Variants in SUPT3H observed in about 807,000 individuals in gnomAD.
The protein encoded by SUPT3H is SPT3 homolog, SAGA and STAGA complex component, also known as transcription initiation protein SPT3 homolog.
In SUPT3H, 44 loss-of-function variants were observed where a neutral mutation model predicts 44.3. The observed-to-expected ratio is 0.99, with a 90% CI of 0.78 to 1.28. SUPT3H has a LOEUF of 1.28. Among genes scored for constraint, SUPT3H ranks in the 50% most tolerant of loss-of-function variants. The pLI is 0.00. For synonymous variants in SUPT3H, 124 were observed against 125.6 expected (o/e 0.99, Z 0.09); for missense variants, 380 against 387.1 (o/e 0.98, Z 0.15).
At chr6:44,854,130 A>G (rs994351700) in intron 10 of SUPT3H, among the ~76,000 whole-genome samples, 4 of 152,208 alleles carry the variant, frequency 2.6e-5, no homozygotes, top group Admixed American at 2.0e-4. Flanking sequence ...ACAGATGAAA[A>G]GTTAATCCAT....
At chr6:45,362,389 T>C (rs1463829477) in intron 2 of SUPT3H, among the ~76,000 whole-genome samples, 1 of 152,188 alleles carries the variant, frequency 6.6e-6, no homozygotes, top group African/African-American at 2.4e-5. Context: ...GGCTTAGAAC[T>C]ATGAACAGCA....
chr6:45,343,838 C>T (rs1387108469), intron 2 of SUPT3H, among the ~76,000 whole-genome samples: 2 of 152,160 alleles, frequency 1.3e-5, no homozygotes, highest in African/African-American at 4.8e-5. Context: ...AACTACTCAC[C>T]TTCTAGGTGC....
At chr6:45,259,531 T>C (rs1001133821) in intron 2 of SUPT3H, among the ~76,000 whole-genome samples, 2 of 152,260 alleles carry the variant, frequency 1.3e-5, no homozygotes, top group East Asian at 3.9e-4. Flanking sequence ...TTACTCTATA[T>C]CTATTTTTGA....
chr6:44,958,829 A>G (rs1330100272), intron 7 of SUPT3H, among the ~76,000 whole-genome samples: 4 of 151,772 alleles, frequency 2.6e-5, no homozygotes, highest in Non-Finnish European at 5.9e-5. Flanking sequence ...TGTAGGAAAA[A>G]ATGACATTAG....
intron 10 of SUPT3H, among the ~76,000 whole-genome samples, chr6:44,890,826 G>C (rs1763186256): frequency 6.6e-6 from 1 of 151,826 alleles, no homozygotes; most frequent in African/African-American, 2.4e-5. Context: ...AAAACAGGAT[G>C]AGTTCATGTC....
At position 45,014,868 on chromosome 6, in the gene SUPT3H, T is replaced by A; in HGVS notation, c.297A>T (p.Lys99Asn). ...KDKKKLRRLL[K>N]YMFIRDYKSK... ...ATTTGTAGTCTCGGATAAACATGTA[T>A]TTTAGCAGTCTTCTAAGTTTTTTCT... is the stretch of plus-strand genomic sequence containing the variant. The change falls in exon 5 of 11, where the codon AAA becomes AAT. Residue 99 changes from lysine (K) to asparagine (N), a missense_variant. Transcript: ENST00000371459. The A allele has an allele frequency of 6.3e-7, 1 of 1,582,012 alleles. No homozygotes were observed. The highest frequency in any genetic ancestry group is 8.6e-7 in the Non-Finnish European group (1 of 1,167,046).
At chr6:44,901,395 A>T (rs1042570262) in intron 10 of SUPT3H, among the ~76,000 whole-genome samples, 2 of 152,352 alleles carry the variant, frequency 1.3e-5, no homozygotes, top group East Asian at 3.9e-4. Flanking sequence ...TCAGTAGCCG[A>T]TATGATCGAC....
intron 2 of SUPT3H, among the ~76,000 whole-genome samples, chr6:45,174,276 T>C (rs994090722): frequency 6.6e-6 from 1 of 152,208 alleles, no homozygotes; most frequent in Non-Finnish European, 1.5e-5. Context: ...GATGTGATCC[T>C]CAGGTTTGTC....
At chr6:44,889,176 A>C (rs1165719165) in intron 10 of SUPT3H, among the ~76,000 whole-genome samples, 1 of 152,150 alleles carries the variant, frequency 6.6e-6, no homozygotes, top group African/African-American at 2.4e-5. Context: ...AATATTGTGA[A>C]AATGGCCATA....
rs138088243 is a variant in SUPT3H at position 45,201,319 on chromosome 6, C to A, written c.102-95313G>T. Among the ~76,000 whole-genome samples, 9 of 151,680 alleles carry A rather than the reference C, an allele frequency of 5.9e-5. No individual in the cohort carries two copies. The East Asian group carries it at 9.7e-4, about 16-fold the overall frequency. On this transcript the variant is annotated intron_variant, in intron 2 of 10. Coordinates refer to ENST00000371459, the MANE Select transcript of SUPT3H (RefSeq NM_003599.4). The stretch of plus-strand genomic sequence containing the variant: ...CTTGCCAACTTAAAATGCAAGAATT[C>A]ATTTCTAATTGGTTGGTTTATTGCT...
chr6:45,004,069 T>C (rs898430309), intron 5 of SUPT3H, among the ~76,000 whole-genome samples: 1 of 151,794 alleles, frequency 6.6e-6, no homozygotes, highest in South Asian at 2.1e-4. Context: ...AAGGAGAGAG[T>C]GGTGTGCTCA....
At chr6:45,157,134 A>C (rs993279020) in intron 2 of SUPT3H, among the ~76,000 whole-genome samples, 1 of 152,186 alleles carries the variant, frequency 6.6e-6, no homozygotes, top group Non-Finnish European at 1.5e-5. Flanking sequence ...TAACTTCACA[A>C]ATGTATTCAA....
intron 10 of SUPT3H, among the ~76,000 whole-genome samples, chr6:44,893,605 T>C (rs1268191138): frequency 1.3e-5 from 2 of 152,310 alleles, no homozygotes; most frequent in East Asian, 1.9e-4. Flanking sequence ...CCACATTTTC[T>C]TAATCCAGTC....
At chr6:44,837,123 C>T (rs1013448421) in intron 10 of SUPT3H, among the ~76,000 whole-genome samples, 1 of 152,012 alleles carries the variant, frequency 6.6e-6, no homozygotes, top group African/African-American at 2.4e-5. Context: ...TTTTCAAGGT[C>T]TTAGACAATA....
At chr6:45,096,835 A>G (rs1271527277) in intron 3 of SUPT3H, among the ~76,000 whole-genome samples, 1 of 152,144 alleles carries the variant, frequency 6.6e-6, no homozygotes, top group Non-Finnish European at 1.5e-5. Flanking sequence ...AGTATATCAT[A>G]ATAAGTCTTG....
At chr6:44,817,818 T>C (rs1767010507) in intron 11 of SUPT3H, among the ~76,000 whole-genome samples, 1 of 152,110 alleles carries the variant, frequency 6.6e-6, no homozygotes, top group Admixed American at 6.5e-5. Context: ...AAAACATTGA[T>C]GAGAAAAATT....
intron 10 of SUPT3H, among the ~76,000 whole-genome samples, chr6:44,835,384 ACAGGAGCTGCCCTGT>A (rs2153413016): frequency 6.6e-6 from 1 of 152,270 alleles, no homozygotes; most frequent in South Asian, 2.1e-4. Flanking sequence ...TCTGTGGGCC[ACAGGAGCTGCCCTGT>A]CACCAAGAGC....
chr6:44,884,343 G>A (rs1778771044), intron 10 of SUPT3H, among the ~76,000 whole-genome samples: 1 of 152,092 alleles, frequency 6.6e-6, no homozygotes, highest in East Asian at 1.9e-4. Context: ...TCATTAAAAA[G>A]TCAGGAAACA....
rs139799250 is a variant in SUPT3H, at chr6:45,134,969, G to A, written c.102-28963C>T. 1.6e-3 allele frequency among the ~76,000 whole-genome samples: 241 copies of A among 152,218 alleles called. 3 individuals are homozygous for A. The highest frequency in any genetic ancestry group is 5.5e-3 in the African/African-American group (228 of 41,528). On this transcript the variant is annotated intron_variant, in intron 2 of 10. Transcript: ENST00000371459. Reference sequence around the variant, plus strand: ...GGTGTCCACAACATCCACTGCAATCGGGTTAAGGATCACCTTGGCCCCAAA... The same window carrying A: ...GGTGTCCACAACATCCACTGCAATCAGGTTAAGGATCACCTTGGCCCCAAA...
Sources: allele counts gnomAD v4.1 joint callset (sites outside exome capture counted in the v4.1 genomes callset), GRCh38; gene constraint gnomAD v4.1.1; transcripts MANE v1.5; gene names NCBI Gene and HGNC (gene_info 2026-07-23, HGNC 2026-07-21).